Variants in DMD observed in about 807,000 individuals in gnomAD.
DMD encodes dystrophin.
Under a neutral mutation model 330.1 loss-of-function variants are expected in DMD, and 63 were observed. The ratio of observed to expected loss-of-function variants is 0.19; its 90% CI spans 0.16 to 0.24. The LOEUF (loss-of-function observed/expected upper bound fraction) is 0.24. DMD is among the 10% of genes least tolerant of loss of function. The pLI is 1.00. For missense variants in DMD, 3,344 were observed against 2,684.1 expected, an observed-to-expected ratio of 1.25 and a Z score of -5.43; for synonymous variants, 1,223 against 959.8, an observed-to-expected ratio of 1.27 and a Z score of -5.07.
At chrX:32,947,482 T>A (rs2090901749) in intron 2 of DMD, among the ~76,000 whole-genome samples, 1 of 111,755 alleles carries the variant, frequency 8.9e-6, no homozygotes, top group South Asian at 3.7e-4. Flanking sequence ...ATACATTTTT[T>A]TAAAAATGAA....
In DMD at chrX:31,358,483, A is replaced by G. The variant is rs888699159; in HGVS notation, c.9085-9849T>C. On this transcript the variant is annotated intron_variant, in intron 60 of 78. Coordinates refer to ENST00000357033, the MANE Select transcript of DMD (RefSeq NM_004006.3). ...TTTTTAATCCTCAAGTGAAATCAAC[A>G]CAGTACAGTGTAATAAAAATGCATA... Among the ~76,000 whole-genome samples the G allele has an allele frequency of 4.5e-5, 5 of 112,124 alleles. No individual in the cohort carries two copies. The East Asian group carries it at 1.1e-3, about 25-fold the overall frequency.
chrX:31,809,837 T>C (rs746927667), intron 50 of DMD, among the ~76,000 whole-genome samples: 1 of 109,714 alleles, frequency 9.1e-6, no homozygotes, highest in Non-Finnish European at 1.9e-5. Flanking sequence ...ATTGTGAAGA[T>C]ATATATATAT....
chrX:32,676,126 T>C (rs749484136), intron 9 of DMD, among the ~76,000 whole-genome samples: 15 of 111,670 alleles, frequency 1.3e-4, no homozygotes, highest in Non-Finnish European at 2.5e-4. Flanking sequence ...ATCTCACAAG[T>C]AAGCTCACTG....
chrX:31,775,703 T>C (rs1037122568), intron 50 of DMD, among the ~76,000 whole-genome samples: 8 of 111,609 alleles, frequency 7.2e-5, no homozygotes, highest in Admixed American at 1.9e-4. Context: ...AAATGAGACA[T>C]TGAATTTTCA....
At chrX:33,070,674 TATATATATATATA>T (rs879229370) in intron 1 of DMD, among the ~76,000 whole-genome samples, 1 of 18,712 alleles carries the variant, frequency 5.3e-5, no homozygotes, top group African/African-American at 3.3e-4. Context: ...TCTCTCTCTC[TATATATATATATA>T]TATATATATA....
chrX:31,371,435 T>C (rs2059565035), intron 60 of DMD, among the ~76,000 whole-genome samples: 1 of 111,829 alleles, frequency 8.9e-6, no homozygotes. Flanking sequence ...AATTTTTTGG[T>C]AATAAGAAAA....
intron 16 of DMD, among the ~76,000 whole-genome samples, chrX:32,560,628 T>C (rs2050888563): frequency 9.0e-6 from 1 of 111,196 alleles, no homozygotes; most frequent in Non-Finnish European, 1.9e-5. Context: ...TGTGTTGTTC[T>C]CTTCCCTGTG....
chrX:33,097,606 T>TG (rs2095183483), intron 1 of DMD, among the ~76,000 whole-genome samples: 4 of 57,374 alleles, frequency 7.0e-5, no homozygotes, highest in Non-Finnish European at 1.4e-4. Context: ...TACATGAGAC[T>TG]CTTTTTTTTT....
chrX:31,902,188 C>T (rs2094431405), intron 47 of DMD, among the ~76,000 whole-genome samples: 2 of 111,952 alleles, frequency 1.8e-5, no homozygotes, highest in Admixed American at 1.9e-4. Flanking sequence ...TTCAAAGTAA[C>T]TTCTCTTCGT....
intron 2 of DMD, among the ~76,000 whole-genome samples, chrX:32,852,173 T>C (rs2081190922): frequency 9.0e-6 from 1 of 111,227 alleles, no homozygotes; most frequent in Admixed American, 9.6e-5. Context: ...AAAGATGACA[T>C]TGTCTTGCAA....
chrX:32,921,504 TCATACCTTCCTGACAG>T (rs1267280455), intron 2 of DMD, among the ~76,000 whole-genome samples: 1 of 111,515 alleles, frequency 9.0e-6, no homozygotes, highest in Non-Finnish European at 1.9e-5. Flanking sequence ...ATTGATGTTC[TCATACCTTCCTGACAG>T]ATTTGAACTG....
At chrX:32,728,469 C>G (rs2067147261) in intron 7 of DMD, among the ~76,000 whole-genome samples, 1 of 111,965 alleles carries the variant, frequency 8.9e-6, no homozygotes, top group African/African-American at 3.2e-5. Context: ...GTAGTTTCCA[C>G]AAAGCAGGCT....
intron 53 of DMD, among the ~76,000 whole-genome samples, chrX:31,660,292 C>T (rs2081052175): frequency 8.9e-6 from 1 of 112,149 alleles, no homozygotes; most frequent in Non-Finnish European, 1.9e-5. Context: ...CTATTCTCCA[C>T]TTTTCAGATC....
chrX:33,198,732 C>T (rs2051100987), intron 1 of DMD, among the ~76,000 whole-genome samples: 2 of 110,308 alleles, frequency 1.8e-5, no homozygotes, highest in African/African-American at 3.3e-5. Flanking sequence ...CCACATAATC[C>T]GACTGGCAAG....
At chrX:31,387,150 C>T (rs1378275120) in intron 60 of DMD, among the ~76,000 whole-genome samples, 1 of 111,481 alleles carries the variant, frequency 9.0e-6, no homozygotes, top group African/African-American at 3.3e-5. Flanking sequence ...AAGTCTTAGA[C>T]TCTATAGGAA....
chrX:32,609,657 C>T (rs917783367), intron 12 of DMD, among the ~76,000 whole-genome samples: 8 of 111,438 alleles, frequency 7.2e-5, no homozygotes, highest in Middle Eastern at 4.6e-3. Flanking sequence ...GGATATTTCA[C>T]AATCTTGGCA....
intron 50 of DMD, among the ~76,000 whole-genome samples, chrX:31,777,883 T>C (rs758012096): frequency 1.8e-5 from 2 of 112,126 alleles, no homozygotes; most frequent in Admixed American, 9.4e-5. Context: ...CCTCATGTTC[T>C]ACATTCGTAT....
intron 64 of DMD, among the ~76,000 whole-genome samples, chrX:31,210,549 A>C (rs1182079389): frequency 1.8e-5 from 2 of 112,320 alleles, no homozygotes; most frequent in Non-Finnish European, 3.8e-5. Context: ...CTCTAAAGCC[A>C]ATTTATTAGC....
Position 32,438,357 on chromosome X carries a change from T to C in DMD, c.3955A>G (p.Asn1319Asp). 8.3e-7 allele frequency: 1 copy of C among 1,211,816 alleles called. No individual in the cohort carries two copies. The highest frequency in any genetic ancestry group is 1.1e-6 in the Non-Finnish European group (1 of 895,439). The change falls in exon 29 of 79, where the codon AAC (asparagine) becomes GAC (aspartate). Residue 1319 changes from asparagine to aspartate, a missense_variant. Transcript: ENST00000357033. Reference sequence around the variant, plus strand: ...GCCAATATGCGAATCTGATTTGGGTTATCCTCTGAATGTCGCATCAAATTT... The same window carrying C: ...GCCAATATGCGAATCTGATTTGGGTCATCCTCTGAATGTCGCATCAAATTT... ...LENLMRHSED[N>D]PNQIRILAQT...
Sources: gnomAD v4.1 joint callset for allele counts (sites outside exome capture counted in the v4.1 genomes callset) on GRCh38, gnomAD v4.1.1 for gene constraint, MANE v1.5 for transcripts, NCBI Gene and HGNC (gene_info 2026-07-23, HGNC 2026-07-21) for gene names.